DNM1: variants seen among roughly 807,000 people sequenced by gnomAD.
The protein encoded by DNM1 is dynamin-1.
A neutral mutation model predicts 104.6 loss-of-function variants in DNM1; 29 were observed. The ratio of observed to expected loss-of-function variants is 0.28; its 90% CI spans 0.21 to 0.38. DNM1 has a LOEUF of 0.38. DNM1 is among the 10% of genes least tolerant of loss of function. DNM1 has a pLI of 1.00. For synonymous variants in DNM1, 445 were observed against 475.8 expected, an observed-to-expected ratio of 0.94 and a Z score of 0.84; for missense variants, 640 against 1,189.4, an observed-to-expected ratio of 0.54 and a Z score of 6.79.
rs552299511 is a variant in DNM1 at position 128,245,912 on chromosome 9, G to A, written c.1672-482G>A. On this transcript the variant is annotated intron_variant, in intron 15 of 21. Coordinates refer to ENST00000372923, the MANE Select transcript of DNM1 (RefSeq NM_004408.4). This position sits in a 1 kb window ranked among gnomAD's most constrained non-coding sequence, Gnocchi z 5.2. ...TGCACACACAGGCACACCATCTCCAGGCTTGTGCTGGCTGCCTTATTGCTA... is the reference window on the plus strand; with the variant it reads ...TGCACACACAGGCACACCATCTCCAAGCTTGTGCTGGCTGCCTTATTGCTA... 6.6e-6 allele frequency among the ~76,000 whole-genome samples: 1 copy of A among 152,368 alleles called. No homozygotes were observed. The highest frequency in any genetic ancestry group is 2.1e-4 in the South Asian group (1 of 4,828).
intron 1 of DNM1, among the ~76,000 whole-genome samples, chr9:128,206,502 G>A (rs1833981956): frequency 6.6e-6 from 1 of 152,142 alleles, no homozygotes; most frequent in Admixed American, 6.5e-5. Flanking sequence ...AAACTCAGAA[G>A]ACAACTGGAA....
intron 10 of DNM1, among the ~76,000 whole-genome samples, chr9:128,227,246 G>A (rs1401109844): frequency 3.3e-5 from 5 of 150,198 alleles, no homozygotes; most frequent in Non-Finnish European, 4.4e-5. Flanking sequence ...ACCCCTGACC[G>A]GAGGTGATCC....
Position 128,218,543 on chromosome 9 carries a change from T to C in DNM1, c.236-39T>C, listed in dbSNP as rs1834750987. 6.3e-7 allele frequency: 1 copy of C among 1,587,006 alleles called. No homozygotes were observed. Among genetic ancestry groups the C allele is most frequent in the Admixed American group, 1.7e-5 (1 of 58,026 alleles). ...AACCCCCAGGTGGGGTTCCAGACCT[T>C]GATGCCTACTGCCCTTCCCCTGCCC... is the stretch of plus-strand genomic sequence containing the variant. On this transcript the variant is annotated intron_variant, in intron 2 of 21. Transcript: ENST00000372923. The surrounding 1 kb of genome is among the most constrained non-coding windows in gnomAD (Gnocchi z 4.8).
chr9:128,225,611 C>G (rs1236051637), intron 10 of DNM1, among the ~76,000 whole-genome samples: 1 of 152,144 alleles, frequency 6.6e-6, no homozygotes, highest in Non-Finnish European at 1.5e-5. Flanking sequence ...CTTGTCCTGG[C>G]CTGGGTCAGC....
intron 11 of DNM1, among the ~76,000 whole-genome samples, chr9:128,236,053 G>T (rs1835992632): frequency 1.3e-5 from 2 of 152,100 alleles, no homozygotes; most frequent in Admixed American, 1.3e-4. Flanking sequence ...TATCCTTGTG[G>T]TCCTCTCTTT....
Position 128,254,099 on chromosome 9 carries a change from G to A in DNM1, c.2535-555G>A, listed in dbSNP as rs41276648. 2,462 of 1,256,280 alleles carry A rather than the reference G, an allele frequency of 2.0e-3. 2 individuals are homozygous for A. The highest frequency in any genetic ancestry group is 2.2e-3 in the Non-Finnish European group (2,238 of 1,004,950). The allele number at this position is 1,256,280 out of a possible 1,614,324, so 77.8% of individuals were successfully genotyped here. A position where few individuals can be genotyped will look rare whatever the true frequency, so the allele number is the denominator to read the frequency against. On this transcript the variant is annotated intron_variant, in intron 21 of 21. Transcript: ENST00000372923. This position sits in a 1 kb window ranked among gnomAD's most constrained non-coding sequence, Gnocchi z 6.1. ...TATAAGTCTATGGCCACTGGCATCC[G>A]GCTGCCTGCCCTCCCTGCCTCCCCC...
chr9:128,219,691 A>G (rs555468300), intron 4 of DNM1, among the ~76,000 whole-genome samples: 10 of 132,588 alleles, frequency 7.5e-5, no homozygotes, highest in Admixed American at 4.5e-4. Context: ...GGCTGGGTGC[A>G]GTGGCTCATG....
chr9:128,247,570 A>G lies in DNM1; in HGVS notation c.1893+84A>G. 8.8e-7 allele frequency: 1 copy of G among 1,133,802 alleles called. No homozygotes were observed. Among genetic ancestry groups the G allele is most frequent in the Non-Finnish European group, 1.3e-6 (1 of 770,198 alleles). 70.2% of individuals were successfully genotyped at this position (1,133,802 alleles called of 1,614,324 possible). A position where few individuals can be genotyped will look rare whatever the true frequency, so the allele number is the denominator to read the frequency against. On this transcript the variant is annotated intron_variant, in intron 17 of 21. Coordinates refer to ENST00000372923, the MANE Select transcript of DNM1 (RefSeq NM_004408.4). This position sits in a 1 kb window ranked among gnomAD's most constrained non-coding sequence, Gnocchi z 5.1. ...ATCCTCAGTGATGCCAAGTCATGCC[A>G]TGTTTCCGAGCCCTTATTTGGCTCA...
At chr9:128,246,781 T>TCCCTCCCTTCCTCCCG (rs1836853094) in intron 16 of DNM1, among the ~76,000 whole-genome samples, 1 of 136,416 alleles carries the variant, frequency 7.3e-6, no homozygotes, top group African/African-American at 2.7e-5. Flanking sequence ...CCTTCCTCCC[T>TCCCTCCCTTCCTCCCG]TCCTTCCATT....
At chr9:128,249,912 G>A (rs1156889622) in intron 19 of DNM1, among the ~76,000 whole-genome samples, 1 of 152,156 alleles carries the variant, frequency 6.6e-6, no homozygotes, top group Non-Finnish European at 1.5e-5. Flanking sequence ...CTGTGACCTT[G>A]GTCAGATGAC....
At position 128,254,756 on chromosome 9, in the gene DNM1, G is replaced by A. The variant is rs1240768319; in HGVS notation, c.*42G>A. On this transcript the variant is annotated 3_prime_UTR_variant, in exon 22 of 22. Coordinates refer to ENST00000372923, the MANE Select transcript of DNM1 (RefSeq NM_004408.4). The surrounding 1 kb of genome is among the most constrained non-coding windows in gnomAD (Gnocchi z 6.1). ...CTCGGAGACCTCCCTTTCCAAGCCT[G>A]CCTGGACGGCTGTTCTGTGACTTGA... is the stretch of plus-strand genomic sequence containing the variant. The A allele has an allele frequency of 6.4e-7, 1 of 1,558,598 alleles. No homozygotes were observed. Among genetic ancestry groups the A allele is most frequent in the African/African-American group, 1.4e-5 (1 of 74,046 alleles).
intron 1 of DNM1, among the ~76,000 whole-genome samples, chr9:128,206,149 T>A (rs1368231167): frequency 6.6e-6 from 1 of 152,074 alleles, no homozygotes; most frequent in East Asian, 1.9e-4. Flanking sequence ...CTGGTGAGCA[T>A]AGTAACAGCC....
chr9:128,242,184 G>A (rs975464873), intron 14 of DNM1, 48 bp from the exon 15 acceptor site: 5 of 1,080,846 alleles, frequency 4.6e-6, no homozygotes, highest in Non-Finnish European at 7.1e-6. Flanking sequence ...ATCCCCCATG[G>A]GGAGGCTCAG....
At chr9:128,209,947 G>A (rs1488378807) in intron 1 of DNM1, among the ~76,000 whole-genome samples, 2 of 152,264 alleles carry the variant, frequency 1.3e-5, no homozygotes, top group African/African-American at 4.8e-5. Context: ...GGACCCCTAA[G>A]TGTAAGTCTC....
chr9:128,244,999 T>G, intron 15 of DNM1: 11 of 242,196 alleles, frequency 4.5e-5, no homozygotes, highest in South Asian at 1.1e-4. Flanking sequence ...GTGGCAGGGG[T>G]GAGCGGGAGC....
rs1829475018 is a variant in DNM1, at chr9:128,250,851, G to T, written c.2445G>T (p.Val815=). The change falls in exon 21 of 22, where the codon GTG becomes GTT. Residue 815 remains valine (V), a synonymous_variant. Coordinates refer to ENST00000372923, the MANE Select transcript of DNM1 (RefSeq NM_004408.4). Reference sequence around the variant, plus strand: ...CCGCCCTGGGGGGGGCGCCCCCCGTGCCCTCCAGGCCGGGGGCTTCCCCTG... The same window carrying T: ...CCGCCCTGGGGGGGGCGCCCCCCGTTCCCTCCAGGCCGGGGGCTTCCCCTG... ...AGSALGGAPP[V]PSRPGASPDP... 1 of 1,298,994 alleles carries T rather than the reference G, an allele frequency of 7.7e-7. No individual in the cohort carries two copies. The highest frequency in any genetic ancestry group is 1.5e-5 in the African/African-American group (1 of 64,718). The allele number at this position is 1,298,994 out of a possible 1,614,324, so 80.5% of individuals were successfully genotyped here. A position where few individuals can be genotyped will look rare whatever the true frequency, so the allele number is the denominator to read the frequency against.
chr9:128,231,500 C>G (rs2131215996), intron 10 of DNM1, among the ~76,000 whole-genome samples: 1 of 152,208 alleles, frequency 6.6e-6, no homozygotes, highest in South Asian at 2.1e-4. Flanking sequence ...CGCAACCGGC[C>G]ACTTTTGCCT....
At chr9:128,233,338 G>A (rs142205082) in intron 10 of DNM1, among the ~76,000 whole-genome samples, 8 of 152,304 alleles carry the variant, frequency 5.3e-5, no homozygotes, top group Non-Finnish European at 1.0e-4. Context: ...GAGGGCCAGG[G>A]CCCAGCCAGG....
intron 10 of DNM1, 93 bp from the exon 11 acceptor site, chr9:128,233,928 C>G: frequency 8.6e-7 from 1 of 1,163,008 alleles, no homozygotes; most frequent in South Asian, 1.3e-5. Context: ...TGCCTCCCAC[C>G]CTGCGCCGCG....
Sources: allele counts gnomAD v4.1 joint callset (sites outside exome capture counted in the v4.1 genomes callset), GRCh38; gene constraint gnomAD v4.1.1; non-coding constraint Gnocchi (gnomAD v3.1); transcripts MANE v1.5; gene names NCBI Gene and HGNC (gene_info 2026-07-23, HGNC 2026-07-21).